The following SLC22A3 variants were observed in gnomAD, a reference collection of about 807,000 sequenced individuals.
The protein encoded by SLC22A3 is solute carrier family 22 member 3.
SLC22A3 carries 51 observed loss-of-function variants against 59.1 expected under a neutral mutation model. The observed-to-expected ratio is 0.86, with a 90% CI of 0.69 to 1.09. The LOEUF (loss-of-function observed/expected upper bound fraction) is 1.09, where lower values mean the gene tolerates loss of function less well. Among genes scored for constraint, SLC22A3 ranks in the 50% least tolerant of loss-of-function variants. The probability of loss-of-function intolerance (pLI) is 0.00; values close to 1 mark genes in which losing one functional copy is unlikely to be tolerated. For synonymous variants in SLC22A3, 325 were observed against 292.0 expected, an observed-to-expected ratio of 1.11 and a Z score of -1.15; for missense variants, 711 against 726.3, an observed-to-expected ratio of 0.98 and a Z score of 0.24.
intron 1 of SLC22A3, among the ~76,000 whole-genome samples, chr6:160,392,776 T>C (rs1786312885): frequency 6.6e-6 from 1 of 152,210 alleles, no homozygotes; most frequent in South Asian, 2.1e-4. Flanking sequence ...TTAGGCTCTG[T>C]TATGGTACTG....
At chr6:160,412,304 A>G (rs887855125) in intron 5 of SLC22A3, among the ~76,000 whole-genome samples, 5 of 152,182 alleles carry the variant, frequency 3.3e-5, no homozygotes, top group African/African-American at 1.2e-4. Context: ...CAGAGGTTGC[A>G]ATGAGACAAG....
At chr6:160,382,236 A>C (rs1401107579) in intron 1 of SLC22A3, among the ~76,000 whole-genome samples, 1 of 152,178 alleles carries the variant, frequency 6.6e-6, no homozygotes, top group Non-Finnish European at 1.5e-5. Context: ...CTGGCTAAAG[A>C]TGTAAGAGAA....
chr6:160,436,985 A>T lies in SLC22A3; in HGVS notation c.1074-12A>T. The T allele has an allele frequency of 6.2e-7, 1 of 1,614,132 alleles. No homozygotes were observed. Among genetic ancestry groups the T allele is most frequent in the Non-Finnish European group, 8.5e-7 (1 of 1,179,974 alleles). On this transcript the variant is annotated splice_polypyrimidine_tract_variant and intron_variant, in intron 6 of 10. Coordinates refer to ENST00000275300, the MANE Select transcript of SLC22A3 (RefSeq NM_021977.4). The stretch of plus-strand genomic sequence containing the variant: ...CTTACTTGTTCTCTGGTGTCTTTCA[A>T]TGTTGCTACAGGTTCACAAGCGCAG...
chr6:160,437,230 T>C lies in SLC22A3; in HGVS notation c.1288+19T>C, dbSNP rs1279890203. 1 of 1,613,172 alleles carries C rather than the reference T, an allele frequency of 6.2e-7. No homozygotes were observed. The highest frequency in any genetic ancestry group is 8.5e-7 in the Non-Finnish European group (1 of 1,179,320). ...CCAGAAGGTAATCTTACCCCACATCTGTTTGGCAGCCAAAGGACTTGAAAA... is the reference window on the plus strand; with the variant it reads ...CCAGAAGGTAATCTTACCCCACATCCGTTTGGCAGCCAAAGGACTTGAAAA... On this transcript the variant is annotated intron_variant, in intron 7 of 10. Coordinates refer to ENST00000275300, the MANE Select transcript of SLC22A3 (RefSeq NM_021977.4).
chr6:160,351,985 C>A (rs531619188), intron 1 of SLC22A3, among the ~76,000 whole-genome samples: 1 of 152,216 alleles, frequency 6.6e-6, no homozygotes, highest in Non-Finnish European at 1.5e-5. Context: ...TTATAACCTG[C>A]AGAAACCTCG....
intron 1 of SLC22A3, among the ~76,000 whole-genome samples, chr6:160,367,653 C>A (rs1785252510): frequency 6.6e-6 from 1 of 152,316 alleles, no homozygotes. Flanking sequence ...TCTTGTCATC[C>A]TGGAAGCCCT....
At chr6:160,435,409 T>C (rs570491741) in intron 5 of SLC22A3, among the ~76,000 whole-genome samples, 1 of 152,336 alleles carries the variant, frequency 6.6e-6, no homozygotes, top group Non-Finnish European at 1.5e-5. Context: ...GATGTTAAAA[T>C]GTAGAAAACC....
At chr6:160,397,732 C>CA (rs201152865) in intron 1 of SLC22A3, among the ~76,000 whole-genome samples, 14,238 of 87,882 alleles carry the variant, frequency 0.16, 983 homozygotes, top group Non-Finnish European at 0.22. Context: ...GACTCCATCT[C>CA]AAAAAAAAAA....
chr6:160,382,806 T>A (rs530334021), intron 1 of SLC22A3, among the ~76,000 whole-genome samples: 1 of 152,046 alleles, frequency 6.6e-6, no homozygotes, highest in South Asian at 2.1e-4. Context: ...AAAGGAAAAA[T>A]TGTCTTAATG....
intron 5 of SLC22A3, among the ~76,000 whole-genome samples, chr6:160,426,605 T>G (rs1314796465): frequency 1.3e-5 from 2 of 152,224 alleles, no homozygotes; most frequent in South Asian, 2.1e-4. Context: ...TTTCTTACTT[T>G]TTCACTCAAC....
Position 160,443,740 on chromosome 6 carries a change from T to C in SLC22A3, c.1508T>C (p.Phe503Ser). The change falls in exon 9 of 11, where the codon TTT (phenylalanine) becomes TCT (serine). Residue 503 changes from phenylalanine to serine, a missense_variant and splice_region_variant. Transcript: ENST00000275300. ...TGGCTAGAACTACCTCTGATCATCT[T>C]TGGTAAGAACTCATTTGCTATTCTT... ...AVWLELPLII[F>S]GILASICGGL... 5 of 1,598,034 alleles carry C rather than the reference T, an allele frequency of 3.1e-6. No individual in the cohort carries two copies. The highest frequency in any genetic ancestry group is 4.3e-6 in the Non-Finnish European group (5 of 1,169,104).
At chr6:160,363,286 C>CTCGCTTCTG (rs1309956999) in intron 1 of SLC22A3, among the ~76,000 whole-genome samples, 18 of 152,238 alleles carry the variant, frequency 1.2e-4, no homozygotes, top group Non-Finnish European at 2.5e-4. Flanking sequence ...TGGGCCTAGT[C>CTCGCTTCTG]TCGCTTCTGT....
chr6:160,448,333 G>C (rs79320859), intron 10 of SLC22A3, among the ~76,000 whole-genome samples: 1 of 152,290 alleles, frequency 6.6e-6, no homozygotes, highest in African/African-American at 2.4e-5. Context: ...ATGACACACA[G>C]ATGATAGATA....
intron 1 of SLC22A3, among the ~76,000 whole-genome samples, chr6:160,360,637 A>G (rs1036637528): frequency 2.0e-5 from 3 of 152,194 alleles, no homozygotes; most frequent in Non-Finnish European, 4.4e-5. Flanking sequence ...CTGACCCGGA[A>G]AGCATTATCC....
rs202111273 is a variant in SLC22A3 at position 160,408,789 on chromosome 6, T to C, written c.725T>C (p.Val242Ala). Residue 242 changes from valine to alanine, a missense_variant, in exon 4 of 11, where the codon GTG becomes GCG. Physicochemically the swap from Val to Ala is moderately conservative, Grantham distance 64. Transcript: ENST00000275300. ...EIVGSKQRRI[V>A]GIVIQMFFTL... ...GTAGGTTCGAAACAAAGGAGGATTGTGGGAATCGTGATTCAAATGTTCTTT... is the reference window on the plus strand; with the variant it reads ...GTAGGTTCGAAACAAAGGAGGATTGCGGGAATCGTGATTCAAATGTTCTTT... 8.7e-6 allele frequency: 14 copies of C among 1,613,654 alleles called. No individual in the cohort carries two copies. The highest frequency in any genetic ancestry group is 1.6e-4 in the Middle Eastern group (1 of 6,078).
chr6:160,388,548 T>A (rs1786115611), intron 1 of SLC22A3, among the ~76,000 whole-genome samples: 1 of 152,232 alleles, frequency 6.6e-6, no homozygotes. Flanking sequence ...TTGAAAATAA[T>A]GATTTACTAA....
At chr6:160,426,433 AT>A (rs1478774337) in intron 5 of SLC22A3, 2 of 861,804 alleles carry the variant, frequency 2.3e-6, no homozygotes, top group African/African-American at 3.7e-5. Flanking sequence ...GTCCTACTTG[AT>A]TTTCTTCTCC....
At chr6:160,406,218 G>A (rs1424031501) in intron 2 of SLC22A3, among the ~76,000 whole-genome samples, 1 of 152,092 alleles carries the variant, frequency 6.6e-6, no homozygotes, top group Non-Finnish European at 1.5e-5. Flanking sequence ...ATAAACTAAG[G>A]CTACTTCCAT....
intron 7 of SLC22A3, among the ~76,000 whole-genome samples, chr6:160,439,002 C>G (rs1043717204): frequency 6.6e-6 from 1 of 151,998 alleles, no homozygotes; most frequent in African/African-American, 2.4e-5. Flanking sequence ...AATGTAGTAG[C>G]CTTGAGGTTC....
Sources: gnomAD v4.1 joint callset for allele counts (sites outside exome capture counted in the v4.1 genomes callset) on GRCh38, gnomAD v4.1.1 for gene constraint, MANE v1.5 for transcripts, NCBI Gene and HGNC (gene_info 2026-07-23, HGNC 2026-07-21) for gene names.